Variants in NADSYN1 observed in about 807,000 individuals in gnomAD.
NADSYN1 encodes the protein glutamine-dependent NAD(+) synthetase.
A neutral mutation model predicts 99.3 loss-of-function variants in NADSYN1; 80 were observed. The observed-to-expected ratio is 0.81, with a 90% CI of 0.67 to 0.97. The LOEUF (loss-of-function observed/expected upper bound fraction) is 0.97. NADSYN1 is among the 50% of genes least tolerant of loss of function. The probability of loss-of-function intolerance (pLI) is 0.00; values close to 1 mark genes in which losing one functional copy is unlikely to be tolerated. For missense variants in NADSYN1, 859 were observed against 948.5 expected, an observed-to-expected ratio of 0.91 and a Z score of 1.24; for synonymous variants, 385 against 372.1, an observed-to-expected ratio of 1.03 and a Z score of -0.40.
intron 10 of NADSYN1, chr11:71,479,610 T>G (rs1949691521): frequency 6.6e-6 from 1 of 152,222 alleles, no homozygotes; most frequent in East Asian, 1.9e-4. Flanking sequence ...TCTTCATGGA[T>G]TTGCCTATTC....
Position 71,474,594 on chromosome 11 carries a change from C to T in NADSYN1, c.798+68C>T, listed in dbSNP as rs144691089. 23 of 1,600,154 alleles carry T rather than the reference C, an allele frequency of 1.4e-5. No individual in the cohort carries two copies. The African/African-American group carries it at 1.7e-4, about 12-fold the overall frequency. On this transcript the variant is annotated intron_variant, in intron 9 of 20. Coordinates refer to ENST00000319023, the MANE Select transcript of NADSYN1 (RefSeq NM_018161.5). Reference sequence around the variant, plus strand: ...GCAGAGACCGAGCTCCTGGCTCTCCCCTGTAAGCCGGGTGCTTAGTGAGGG... The same window carrying T: ...GCAGAGACCGAGCTCCTGGCTCTCCTCTGTAAGCCGGGTGCTTAGTGAGGG...
intron 16 of NADSYN1, among the ~76,000 whole-genome samples, chr11:71,486,629 A>G (rs1949744784): frequency 6.6e-6 from 1 of 151,086 alleles, no homozygotes; most frequent in African/African-American, 2.4e-5. Flanking sequence ...CCATCCACCC[A>G]TCTGTCCATC....
chr11:71,455,328 A>G, intron 2 of NADSYN1, 158 bp downstream of exon 2: 1 of 602,216 alleles, frequency 1.7e-6, no homozygotes, highest in South Asian at 2.2e-5. Flanking sequence ...ACACCTGAGC[A>G]AGGGCAGGCC....
At chr11:71,463,865 A>G (rs537995245) in intron 4 of NADSYN1, among the ~76,000 whole-genome samples, 188 bp from the exon 5 acceptor site, 10 of 152,188 alleles carry the variant, frequency 6.6e-5, no homozygotes, top group Non-Finnish European at 1.3e-4. Context: ...ACGGTCACGA[A>G]TGGATGCAGC....
At chr11:71,474,715 G>A (rs903968287) in intron 9 of NADSYN1, 189 bp downstream of exon 9, 2 of 603,516 alleles carry the variant, frequency 3.3e-6, no homozygotes, top group African/African-American at 1.9e-5. Context: ...GCCCCCGGGG[G>A]TCCCGCCTGC....
chr11:71,500,644 A>G (rs982709248), intron 20 of NADSYN1, among the ~76,000 whole-genome samples: 1 of 152,212 alleles, frequency 6.6e-6, no homozygotes, highest in African/African-American at 2.4e-5. Flanking sequence ...GAGATACTGT[A>G]TCTGGCTGAT....
In NADSYN1 at chr11:71,501,706, T is replaced by C. The variant is rs1591139833; in HGVS notation, c.*354T>C. On this transcript the variant is annotated 3_prime_UTR_variant, in exon 21 of 21. Coordinates refer to ENST00000319023, the MANE Select transcript of NADSYN1 (RefSeq NM_018161.5). ...ACAGTAGCTCCCGGGAAGGGAGGGGTGTCATGAGCAGAAAATGAAGGAGAG... is the reference window on the plus strand; with the variant it reads ...ACAGTAGCTCCCGGGAAGGGAGGGGCGTCATGAGCAGAAAATGAAGGAGAG... The C allele has an allele frequency of 3.4e-6, 1 of 291,978 alleles. No homozygotes were observed. The highest frequency in any genetic ancestry group is 5.2e-5 in the South Asian group (1 of 19,128). The allele number at this position is 291,978 out of a possible 1,614,324, so 18.1% of individuals were successfully genotyped here. A position where few individuals can be genotyped will look rare whatever the true frequency, so the allele number is the denominator to read the frequency against.
At chr11:71,476,226 G>A (rs776226337) in intron 9 of NADSYN1, 19 of 400,730 alleles carry the variant, frequency 4.7e-5, no homozygotes, top group African/African-American at 8.3e-5. Flanking sequence ...CTTTGGACCC[G>A]ACGGCCTTCC....
At chr11:71,462,393 C>G (rs1325979548) in intron 3 of NADSYN1, among the ~76,000 whole-genome samples, 1 of 152,204 alleles carries the variant, frequency 6.6e-6, no homozygotes, top group Admixed American at 6.5e-5. Context: ...CCAGTCAGAA[C>G]TGTTTAAATC....
rs1012009738 is a variant in NADSYN1 at position 71,484,586 on chromosome 11, G to A, written c.1455+139G>A. ...GGCACCGGTTACCTAGGGACAGCCAGTGCTGGGGTCACAGCCTGTATGCCT... is the reference window on the plus strand; with the variant it reads ...GGCACCGGTTACCTAGGGACAGCCAATGCTGGGGTCACAGCCTGTATGCCT... On this transcript the variant is annotated intron_variant, in intron 15 of 20. Coordinates refer to ENST00000319023, the MANE Select transcript of NADSYN1 (RefSeq NM_018161.5). 7.8e-6 allele frequency: 10 copies of A among 1,288,920 alleles called. No individual in the cohort carries two copies. The African/African-American group carries it at 8.9e-5, about 12-fold the overall frequency. The allele number at this position is 1,288,920 out of a possible 1,614,324, so 79.8% of individuals were successfully genotyped here. A position where few individuals can be genotyped will look rare whatever the true frequency, so the allele number is the denominator to read the frequency against.
chr11:71,477,868 G>C (rs1949679644), intron 9 of NADSYN1, among the ~76,000 whole-genome samples: 1 of 152,182 alleles, frequency 6.6e-6, no homozygotes, highest in Admixed American at 6.5e-5. Flanking sequence ...GCCTCTCCTC[G>C]TGGGCATGGG....
intron 5 of NADSYN1, among the ~76,000 whole-genome samples, chr11:71,468,169 G>GT (rs1949605366): frequency 6.6e-6 from 1 of 152,150 alleles, no homozygotes; most frequent in Non-Finnish European, 1.5e-5. Flanking sequence ...AGCAAAAACA[G>GT]TTTTTTATCA....
intron 4 of NADSYN1, 109 bp from the exon 5 acceptor site, chr11:71,463,944 C>T: frequency 1.1e-6 from 1 of 925,280 alleles, no homozygotes; most frequent in Non-Finnish European, 1.6e-6. Flanking sequence ...GCCCCATTCT[C>T]AAGCTGACTC....
In NADSYN1 at chr11:71,491,816, T is replaced by C. The variant is rs370517988; in HGVS notation, c.1695-18T>C. On this transcript the variant is annotated intron_variant, in intron 17 of 20. Transcript: ENST00000319023. ...CCTCGCAGCTGCACTGACCGACCTC[T>C]GTGTGTTTTGGCTGCAGCATCCTGT... The C allele has an allele frequency of 3.3e-5, 53 of 1,613,216 alleles. No homozygotes were observed. Among genetic ancestry groups the C allele is most frequent in the Non-Finnish European group, 3.8e-5 (45 of 1,179,668 alleles).
intron 17 of NADSYN1, 124 bp downstream of exon 17, chr11:71,491,100 C>T: frequency 7.5e-7 from 1 of 1,334,426 alleles, no homozygotes; most frequent in Non-Finnish European, 1.0e-6. Context: ...GGTCCTGCCC[C>T]TGAGCTGGCA....
intron 16 of NADSYN1, among the ~76,000 whole-genome samples, chr11:71,487,732 G>A (rs1472139593): frequency 2.7e-5 from 4 of 149,436 alleles, no homozygotes; most frequent in African/African-American, 9.8e-5. Flanking sequence ...TTGGGAGGCT[G>A]AGGCAGGAGA....
chr11:71,490,859 T>A lies in NADSYN1; in HGVS notation c.1577T>A (p.Leu526Gln). The A allele has an allele frequency of 6.2e-7, 1 of 1,614,180 alleles. No homozygotes were observed. Among genetic ancestry groups the A allele is most frequent in the Non-Finnish European group, 8.5e-7 (1 of 1,180,006 alleles). Reference sequence around the variant, plus strand: ...TCTCCCTGCAGTCTCCTGGGCTACCTGACCAAGTACGACTGCTCCAGTGCG... The same window carrying A: ...TCTCCCTGCAGTCTCCTGGGCTACCAGACCAAGTACGACTGCTCCAGTGCG... ...ANVDESLLGY[L>Q]TKYDCSSADI... Residue 526 changes from leucine to glutamine, a missense_variant, in exon 17 of 21, where the codon CTG (leucine) becomes CAG (glutamine). Leu to Gln is a moderately radical substitution (Grantham distance 113). Transcript: ENST00000319023.
At chr11:71,470,386 G>A (rs1178891333) in intron 5 of NADSYN1, among the ~76,000 whole-genome samples, 7 of 152,340 alleles carry the variant, frequency 4.6e-5, no homozygotes, top group East Asian at 3.9e-4. Context: ...GATTTGATGC[G>A]GGGAGCACTT....
chr11:71,461,541 G>A (rs928653897), intron 3 of NADSYN1, among the ~76,000 whole-genome samples: 5 of 152,108 alleles, frequency 3.3e-5, no homozygotes, highest in African/African-American at 9.7e-5. Flanking sequence ...CGATTCTCCT[G>A]CCTCAGCCTC....
Sources: allele counts gnomAD v4.1 joint callset (sites outside exome capture counted in the v4.1 genomes callset), GRCh38; gene constraint gnomAD v4.1.1; transcripts MANE v1.5; gene names NCBI Gene and HGNC (gene_info 2026-07-23, HGNC 2026-07-21).